Variants in METTL8 observed in about 807,000 individuals in gnomAD.
METTL8 encodes methyltransferase 8, tRNA N3-cytidine.
METTL8 carries 32 observed loss-of-function variants against 48.7 expected under a neutral mutation model. The observed-to-expected ratio is 0.66, with a 90% CI of 0.50 to 0.88. The LOEUF (loss-of-function observed/expected upper bound fraction) is 0.88. Among genes scored for constraint, METTL8 ranks in the 40% least tolerant of loss-of-function variants. METTL8 has a pLI of 0.00. For missense variants in METTL8, 464 were observed against 474.4 expected, an observed-to-expected ratio of 0.98 and a Z score of 0.20; for synonymous variants, 136 against 157.1, an observed-to-expected ratio of 0.87 and a Z score of 1.01.
intron 3 of METTL8, among the ~76,000 whole-genome samples, chr2:171,340,880 C>G (rs146823341): frequency 1.7e-3 from 263 of 152,336 alleles, no homozygotes; most frequent in Middle Eastern, 6.8e-3. Flanking sequence ...TCTCTTCCTA[C>G]TGACATCTCC....
intron 1 of METTL8, among the ~76,000 whole-genome samples, chr2:171,408,982 A>C (rs765316717): frequency 3.3e-5 from 5 of 152,160 alleles, no homozygotes; most frequent in African/African-American, 4.8e-5. Context: ...TGTGAATACC[A>C]CAGGATCAAG....
At chr2:171,434,352 G>A, upstream of METTL8, 3 of 766,204 alleles carry the variant, frequency 3.9e-6, no homozygotes, top group Non-Finnish European at 4.4e-6. Flanking sequence ...AGATCGAAAA[G>A]GGAGTGCTTC....
intron 1 of METTL8, among the ~76,000 whole-genome samples, chr2:171,401,385 T>C (rs1259387059): frequency 1.3e-5 from 2 of 152,126 alleles, no homozygotes; most frequent in Non-Finnish European, 2.9e-5. Flanking sequence ...CTTTGGATGA[T>C]TATAATTTCA....
chr2:171,355,963 G>T (rs1684491631), intron 3 of METTL8, among the ~76,000 whole-genome samples: 1 of 152,264 alleles, frequency 6.6e-6, no homozygotes, highest in East Asian at 1.9e-4. Flanking sequence ...TCCGTGGGCT[G>T]CATCCACTGT....
chr2:171,326,359 G>C lies in METTL8; in HGVS notation c.861-211C>G, dbSNP rs1275923450. The C allele has an allele frequency of 1.4e-5, 7 of 493,058 alleles. No homozygotes were observed. The East Asian group carries it at 2.4e-4, about 17-fold the overall frequency. 30.5% of individuals were successfully genotyped at this position (493,058 alleles called of 1,614,324 possible). On this transcript the variant is annotated intron_variant, in intron 7 of 9. Coordinates refer to ENST00000375258, the MANE Select transcript of METTL8 (RefSeq NM_001321154.2). ...AATGACTAGATTCAAAAGTCCTAGAGTATCAAGAAATCACCCAAATGATCA... is the reference window on the plus strand; with the variant it reads ...AATGACTAGATTCAAAAGTCCTAGACTATCAAGAAATCACCCAAATGATCA...
chr2:171,410,746 G>A (rs1690666403), intron 1 of METTL8, among the ~76,000 whole-genome samples: 1 of 152,092 alleles, frequency 6.6e-6, no homozygotes, highest in Non-Finnish European at 1.5e-5. Context: ...TGTTCTTGTT[G>A]CCATACATGT....
At chr2:171,343,517 T>C (rs960497034) in intron 3 of METTL8, among the ~76,000 whole-genome samples, 1 of 151,884 alleles carries the variant, frequency 6.6e-6, no homozygotes, top group Non-Finnish European at 1.5e-5. Context: ...CACAGAATAG[T>C]ATATACATTG....
chr2:171,398,522 A>T (rs1323360547), intron 1 of METTL8, among the ~76,000 whole-genome samples: 1 of 152,038 alleles, frequency 6.6e-6, no homozygotes, highest in Non-Finnish European at 1.5e-5. Flanking sequence ...TGGGGAATTA[A>T]GTTTTTAATG....
Position 171,389,382 on chromosome 2 carries a change from T to C in METTL8, c.143+2661A>G, listed in dbSNP as rs555703410. Among the ~76,000 whole-genome samples the C allele has an allele frequency of 1.2e-4, 19 of 152,020 alleles. No homozygotes were observed. The South Asian group carries it at 4.0e-3, about 32-fold the overall frequency. On this transcript the variant is annotated intron_variant, in intron 2 of 9. Coordinates refer to ENST00000375258, the MANE Select transcript of METTL8 (RefSeq NM_001321154.2). Reference sequence around the variant, plus strand: ...AAAAAATACAAAAATTAGCCAGGCATGGCAGTGAATGCCTATAGTCCCAGC... The same window carrying C: ...AAAAAATACAAAAATTAGCCAGGCACGGCAGTGAATGCCTATAGTCCCAGC...
chr2:171,334,128 T>C (rs1219114426), intron 5 of METTL8, among the ~76,000 whole-genome samples: 1 of 151,690 alleles, frequency 6.6e-6, no homozygotes, highest in Non-Finnish European at 1.5e-5. Context: ...AACTTCCATA[T>C]AGTTCAAAAT....
intron 1 of METTL8, among the ~76,000 whole-genome samples, chr2:171,408,633 T>C (rs561717297): frequency 1.6e-4 from 24 of 152,100 alleles, no homozygotes; most frequent in African/African-American, 5.5e-4. Flanking sequence ...AGCAGAAATA[T>C]CCCTAAGTAG....
chr2:171,410,886 A>G (rs1690683101), intron 1 of METTL8, among the ~76,000 whole-genome samples: 1 of 152,242 alleles, frequency 6.6e-6, no homozygotes, highest in Middle Eastern at 3.2e-3. Flanking sequence ...ATACTGTAAT[A>G]CCACAAATGA....
chr2:171,429,878 A>G (rs1394143657), intron 1 of METTL8, among the ~76,000 whole-genome samples: 7 of 152,000 alleles, frequency 4.6e-5, no homozygotes, highest in African/African-American at 1.7e-4. Context: ...CATCTCTACT[A>G]AAAATACAAA....
intron 2 of METTL8, among the ~76,000 whole-genome samples, chr2:171,362,591 A>C (rs1243622385): frequency 6.6e-6 from 1 of 150,728 alleles, no homozygotes; most frequent in African/African-American, 2.5e-5. Flanking sequence ...ATAAATAAAT[A>C]AATAAATAAA....
At chr2:171,348,846 G>A (rs556237164) in intron 3 of METTL8, among the ~76,000 whole-genome samples, 7 of 152,176 alleles carry the variant, frequency 4.6e-5, no homozygotes, top group Non-Finnish European at 7.4e-5. Flanking sequence ...CATGTTCTAA[G>A]GGAGAAATCA....
At chr2:171,397,680 A>T (rs187650368) in intron 1 of METTL8, among the ~76,000 whole-genome samples, 1 of 152,212 alleles carries the variant, frequency 6.6e-6, no homozygotes, top group Admixed American at 6.5e-5. Context: ...TTCTGGCAAG[A>T]CTGATATCAA....
chr2:171,330,035 A>T (rs930035892), intron 7 of METTL8, among the ~76,000 whole-genome samples: 1 of 152,260 alleles, frequency 6.6e-6, no homozygotes, highest in African/African-American at 2.4e-5. Context: ...TGATGGCATC[A>T]GGCTAACCTT....
chr2:171,343,394 G>C (rs1686972329), intron 3 of METTL8, among the ~76,000 whole-genome samples: 2 of 151,840 alleles, frequency 1.3e-5, no homozygotes, highest in Admixed American at 1.3e-4. Flanking sequence ...AGCTGCGATC[G>C]TGCCATTGCA....
intron 3 of METTL8, among the ~76,000 whole-genome samples, chr2:171,350,329 A>T (rs567605455): frequency 2.0e-5 from 3 of 152,206 alleles, no homozygotes; most frequent in Admixed American, 2.0e-4. Flanking sequence ...TCCACGGTGT[A>T]TATGTGCCAC....
Sources: gnomAD v4.1 joint callset for allele counts (sites outside exome capture counted in the v4.1 genomes callset) on GRCh38, gnomAD v4.1.1 for gene constraint, MANE v1.5 for transcripts, NCBI Gene and HGNC (gene_info 2026-07-23, HGNC 2026-07-21) for gene names.